GHR: variants seen among roughly 807,000 people sequenced by gnomAD.
GHR encodes the protein GH receptor.
GHR carries 35 observed loss-of-function variants against 67.1 expected under a neutral mutation model. The ratio of observed to expected loss-of-function variants is 0.52; its 90% confidence interval spans 0.40 to 0.69. The LOEUF (loss-of-function observed/expected upper bound fraction) is 0.69, where lower values mean the gene tolerates loss of function less well. Ranked by LOEUF, GHR falls within the 30% of genes least tolerant of loss-of-function variation. GHR has a pLI of 0.00. For missense variants in GHR, 792 were observed against 764.6 expected (o/e 1.04, Z -0.42); for synonymous variants, 272 against 269.1 (o/e 1.01, Z -0.10).
At chr5:42,455,028 T>C (rs1271653708) in intron 1 of GHR, among the ~76,000 whole-genome samples, 1 of 152,148 alleles carries the variant, frequency 6.6e-6, no homozygotes, top group African/African-American at 2.4e-5. Context: ...ATGGCTTCCC[T>C]GGGTTTGAGC....
At chr5:42,437,774 T>C (rs181533294) in intron 1 of GHR, among the ~76,000 whole-genome samples, 1 of 151,888 alleles carries the variant, frequency 6.6e-6, no homozygotes, top group Admixed American at 6.6e-5. Context: ...CAGGCTGATC[T>C]TGAACTCCTG....
intron 3 of GHR, among the ~76,000 whole-genome samples, chr5:42,684,156 G>A (rs1292009163): frequency 5.3e-5 from 8 of 152,056 alleles, no homozygotes; most frequent in Non-Finnish European, 7.4e-5. Context: ...TGTTGTGTAC[G>A]TTATTGTTCA....
At position 42,620,945 on chromosome 5, in the gene GHR, C is replaced by T. The variant is rs150309621; in HGVS notation, c.71-8093C>T. Among the ~76,000 whole-genome samples the T allele has an allele frequency of 5.5e-3, 831 of 152,208 alleles. 10 individuals carry two copies. The highest frequency in any genetic ancestry group is 0.019 in the African/African-American group (780 of 41,534). On this transcript the variant is annotated intron_variant, in intron 2 of 9. Coordinates refer to ENST00000230882, the MANE Select transcript of GHR (RefSeq NM_000163.5). Reference sequence around the variant, plus strand: ...CCTTCCAATATTCTGTTTGAATATCCTTCCAATTTCAGTCATATGTTCCTG... The same window carrying T: ...CCTTCCAATATTCTGTTTGAATATCTTTCCAATTTCAGTCATATGTTCCTG...
chr5:42,634,440 A>G (rs1007738266), intron 3 of GHR, among the ~76,000 whole-genome samples: 4 of 152,122 alleles, frequency 2.6e-5, no homozygotes, highest in African/African-American at 9.7e-5. Flanking sequence ...TAGGGACAAT[A>G]TCTTACACAT....
intron 6 of GHR, among the ~76,000 whole-genome samples, chr5:42,701,460 G>A (rs928319304): frequency 3.3e-5 from 5 of 152,150 alleles, no homozygotes; most frequent in Non-Finnish European, 5.9e-5. Flanking sequence ...GAAGAAAAGC[G>A]CTTAAATGAC....
Position 42,620,976 on chromosome 5 carries a change from C to T in GHR, c.71-8062C>T, listed in dbSNP as rs137978257. Among the ~76,000 whole-genome samples the T allele has an allele frequency of 7.8e-4, 119 of 152,200 alleles. 1 individual carries two copies. Among genetic ancestry groups the T allele is most frequent in the Admixed American group, 2.2e-3 (33 of 15,270 alleles). ...ATTTCAGTCATATGTTCCTGGCTGG[C>T]CTACCTAGGATTAATATTGGCCCAG... On this transcript the variant is annotated intron_variant, in intron 2 of 9. Transcript: ENST00000230882.
intron 2 of GHR, among the ~76,000 whole-genome samples, chr5:42,588,273 G>A (rs1433162052): frequency 2.6e-5 from 4 of 151,804 alleles, no homozygotes; most frequent in East Asian, 1.9e-4. Context: ...TAATCCCAGC[G>A]CTTTAGGAGG....
At chr5:42,515,020 A>T (rs541881668) in intron 1 of GHR, 4 of 146,130 alleles carry the variant, frequency 2.7e-5, no homozygotes, top group Non-Finnish European at 4.6e-5. Context: ...AGGGTACTTA[A>T]GCTACAAGAC....
chr5:42,673,853 C>A (rs895211317), intron 3 of GHR, among the ~76,000 whole-genome samples: 2 of 152,122 alleles, frequency 1.3e-5, no homozygotes, highest in African/African-American at 4.8e-5. Flanking sequence ...ATCAATCATA[C>A]CCCAAACCTC....
chr5:42,593,432 C>T (rs1032338700), intron 2 of GHR, among the ~76,000 whole-genome samples: 1 of 152,166 alleles, frequency 6.6e-6, no homozygotes, highest in Non-Finnish European at 1.5e-5. Context: ...CAAATAAACA[C>T]ATTTACCTAA....
At chr5:42,433,534 G>T (rs1743186841) in intron 1 of GHR, among the ~76,000 whole-genome samples, 2 of 151,950 alleles carry the variant, frequency 1.3e-5, no homozygotes, top group Admixed American at 1.3e-4. Flanking sequence ...AAGCATTCAA[G>T]CTAGAAGGCA....
At chr5:42,509,988 AC>A (rs1746942305) in intron 1 of GHR, among the ~76,000 whole-genome samples, 1 of 152,086 alleles carries the variant, frequency 6.6e-6, no homozygotes, top group South Asian at 2.1e-4. Flanking sequence ...CTATTCAACT[AC>A]CTAGCTGGCA....
chr5:42,634,521 G>GCACACGCACACACACA (rs1754078668), intron 3 of GHR, among the ~76,000 whole-genome samples: 1 of 148,820 alleles, frequency 6.7e-6, no homozygotes, highest in African/African-American at 2.5e-5. Flanking sequence ...ATTGAATTTT[G>GCACACGCACACACACA]CACACACACA....
chr5:42,670,775 T>C lies in GHR; in HGVS notation c.137-18115T>C, dbSNP rs555938156. Among the ~76,000 whole-genome samples, 257 of 151,324 alleles carry C rather than the reference T, an allele frequency of 1.7e-3. 3 individuals carry two copies. The Middle Eastern group carries it at 0.024, about 14-fold the overall frequency. On this transcript the variant is annotated intron_variant, in intron 3 of 9. Coordinates refer to ENST00000230882, the MANE Select transcript of GHR (RefSeq NM_000163.5). Reference sequence around the variant, plus strand: ...GGGTGCAGTGCACCAGCATGGCACATGTATACATATGTAACTAACCTGCAC... The same window carrying C: ...GGGTGCAGTGCACCAGCATGGCACACGTATACATATGTAACTAACCTGCAC...
At chr5:42,468,892 C>T in intron 1 of GHR, 1 of 716,434 alleles carries the variant, frequency 1.4e-6, no homozygotes, top group South Asian at 2.4e-5. Context: ...GCACATTCCT[C>T]CACGGATTGC....
At chr5:42,683,113 T>G (rs1325122456) in intron 3 of GHR, among the ~76,000 whole-genome samples, 1 of 152,208 alleles carries the variant, frequency 6.6e-6, no homozygotes, top group Non-Finnish European at 1.5e-5. Context: ...GCAATTCTCC[T>G]GCCTCAGCCT....
chr5:42,531,827 G>T (rs911148918), intron 1 of GHR, among the ~76,000 whole-genome samples: 1 of 152,048 alleles, frequency 6.6e-6, no homozygotes, highest in Non-Finnish European at 1.5e-5. Context: ...ATGACTCCAT[G>T]GTACGGCTCA....
At chr5:42,690,098 C>T (rs1200237289) in intron 4 of GHR, among the ~76,000 whole-genome samples, 1 of 152,202 alleles carries the variant, frequency 6.6e-6, no homozygotes, top group Non-Finnish European at 1.5e-5. Context: ...TCCACCCAAC[C>T]CCCAGAGAAG....
At chr5:42,438,162 T>A (rs1225441056) in intron 1 of GHR, among the ~76,000 whole-genome samples, 1 of 152,238 alleles carries the variant, frequency 6.6e-6, no homozygotes, top group East Asian at 1.9e-4. Flanking sequence ...TCAAGGGCTA[T>A]ACCAAGTCCT....
Sources: gnomAD v4.1 joint callset for allele counts (sites outside exome capture counted in the v4.1 genomes callset) on GRCh38, gnomAD v4.1.1 for gene constraint, MANE v1.5 for transcripts, NCBI Gene and HGNC (gene_info 2026-07-23, HGNC 2026-07-21) for gene names.